Variants in AQP7B observed in about 807,000 individuals in gnomAD.
AQP7B encodes the protein putative aquaporin-7B.
the AQP7B span, chr2:94,603,403 G>T: frequency 6.2e-7 from 1 of 1,607,464 alleles, no homozygotes; most frequent in Non-Finnish European, 8.5e-7. Flanking sequence ...CCACTTTTCG[G>T]GTGGAGAGCT....
chr2:94,602,479 C>A, the AQP7B span: 3 of 1,600,864 alleles, frequency 1.9e-6, no homozygotes, highest in East Asian at 2.2e-5. Context: ...CCCTTAGAGG[C>A]CCTCCCTTGT....
chr2:94,590,762 G>A, the AQP7B span, among the ~76,000 whole-genome samples: 1 of 151,288 alleles, frequency 6.6e-6, no homozygotes, highest in Non-Finnish European at 1.5e-5. Flanking sequence ...GGGTAACATG[G>A]CAAAACCCCA....
the AQP7B span, among the ~76,000 whole-genome samples, chr2:94,600,783 G>A: frequency 6.6e-6 from 1 of 152,008 alleles, no homozygotes; most frequent in Admixed American, 6.5e-5. Flanking sequence ...GGAGGCTAAG[G>A]CAGGAGAATC....
At chr2:94,602,569 T>C in the AQP7B span, 1 of 1,602,816 alleles carries the variant, frequency 6.2e-7, no homozygotes, top group Non-Finnish European at 8.5e-7. Context: ...ACTTGGGTTT[T>C]GGCTTCGGGG....
chr2:94,597,605 C>CT, the AQP7B span, among the ~76,000 whole-genome samples: 3 of 148,222 alleles, frequency 2.0e-5, no homozygotes, highest in African/African-American at 7.5e-5. Flanking sequence ...ATATCACAGT[C>CT]TTTTTTGTTT....
the AQP7B span, chr2:94,603,412 C>T: frequency 1.9e-6 from 3 of 1,608,632 alleles, no homozygotes; most frequent in Non-Finnish European, 1.7e-6. Flanking sequence ...GGGTGGAGAG[C>T]TGATGGTGAC....
chr2:94,593,372 G>A, the AQP7B span, among the ~76,000 whole-genome samples: 1 of 152,056 alleles, frequency 6.6e-6, no homozygotes, highest in Non-Finnish European at 1.5e-5. Flanking sequence ...GCAAGGATGG[G>A]CTGGCCAGAG....
At chr2:94,603,177 A>T in the AQP7B span, 1 of 1,498,892 alleles carries the variant, frequency 6.7e-7, no homozygotes, top group East Asian at 2.3e-5. Flanking sequence ...CTTCTACAGC[A>T]AGTGTGCTGC....
the AQP7B span, among the ~76,000 whole-genome samples, chr2:94,592,229 A>G: frequency 6.6e-6 from 1 of 152,096 alleles, no homozygotes; most frequent in East Asian, 1.9e-4. Flanking sequence ...TCGCCCTGCT[A>G]GGGAGAGCAG....
chr2:94,594,027 C>T, the AQP7B span, among the ~76,000 whole-genome samples: 1 of 152,176 alleles, frequency 6.6e-6, no homozygotes, highest in Admixed American at 6.5e-5. Context: ...TTATTCACAT[C>T]TACTATGTGC....
At chr2:94,603,762 G>A in the AQP7B span, 44 of 1,528,636 alleles carry the variant, frequency 2.9e-5, no homozygotes, top group African/African-American at 6.8e-5. Flanking sequence ...TCACGGACCA[G>A]GAGAACAACC....
At chr2:94,593,673 A>T in the AQP7B span, among the ~76,000 whole-genome samples, 1 of 151,748 alleles carries the variant, frequency 6.6e-6, no homozygotes, top group Non-Finnish European at 1.5e-5. Flanking sequence ...TTTAGTAGAG[A>T]TGGAGTTTCT....
chr2:94,603,868 TC>T, the AQP7B span: 76 of 1,401,390 alleles, frequency 5.4e-5, no homozygotes, highest in Non-Finnish European at 7.3e-5. Flanking sequence ...CATCAATCCA[TC>T]CCGGGACCCG....
the AQP7B span, chr2:94,602,735 C>CA: frequency 2.3e-5 from 25 of 1,088,752 alleles, 1 homozygote; most frequent in African/African-American, 4.0e-4. Context: ...GGCCACCGGG[C>CA]AGGAGGAAGT....
chr2:94,599,796 G>GATC, the AQP7B span, among the ~76,000 whole-genome samples: 1 of 151,896 alleles, frequency 6.6e-6, no homozygotes, highest in Admixed American at 6.6e-5. Context: ...CCCTTCACGG[G>GATC]ATCATGTTCT....
the AQP7B span, chr2:94,594,599 G>A: frequency 1.6e-6 from 1 of 614,740 alleles, no homozygotes; most frequent in Admixed American, 2.8e-5. Context: ...TCCAATTCCA[G>A]CTGTCCCAGC....
the AQP7B span, among the ~76,000 whole-genome samples, chr2:94,596,454 T>C: frequency 4.3e-4 from 65 of 152,142 alleles, no homozygotes; most frequent in African/African-American, 1.5e-3. Context: ...ACAGAGGCTG[T>C]TTGTGTGTGT....
chr2:94,598,334 G>A, the AQP7B span, among the ~76,000 whole-genome samples: 3 of 152,206 alleles, frequency 2.0e-5, no homozygotes, highest in East Asian at 1.9e-4. Flanking sequence ...GGATTGATCC[G>A]TGTTGCAGCT....
At chr2:94,598,249 T>C in the AQP7B span, among the ~76,000 whole-genome samples, 5 of 151,934 alleles carry the variant, frequency 3.3e-5, no homozygotes, top group South Asian at 8.3e-4. Context: ...TCTCAGTGAG[T>C]CACCAGGGTG....
Sources: gnomAD v4.1 joint callset for allele counts (sites outside exome capture counted in the v4.1 genomes callset) on GRCh38, gnomAD v4.1.1 for gene constraint, MANE v1.5 for transcripts, NCBI Gene and HGNC (gene_info 2026-07-23, HGNC 2026-07-21) for gene names.